CACNA1F: variants seen among roughly 807,000 people sequenced by gnomAD.
The protein encoded by CACNA1F is calcium voltage-gated channel subunit alpha1 F.
A neutral mutation model predicts 143.8 loss-of-function variants in CACNA1F; 59 were observed. That is an observed-to-expected ratio of 0.41 (90% confidence interval 0.33 to 0.51). CACNA1F has a LOEUF of 0.51. Among genes scored for constraint, CACNA1F ranks in the 20% least tolerant of loss-of-function variants. CACNA1F has a pLI of 0.22. For synonymous variants in CACNA1F, 643 were observed against 649.1 expected (o/e 0.99, Z 0.14); for missense variants, 1,411 against 1,647.5 (o/e 0.86, Z 2.48).
chrX:49,232,434 C>T (rs782116829), intron 1 of CACNA1F, among the ~76,000 whole-genome samples: 40 of 111,543 alleles, frequency 3.6e-4, no homozygotes, highest in African/African-American at 1.2e-3. Flanking sequence ...CCTCAGAGGG[C>T]GGTAGATTGG....
At position 49,215,498 on chromosome X, in the gene CACNA1F, G is replaced by A; in HGVS notation, c.3282C>T (p.Pro1094=). 1 of 1,207,012 alleles carries A rather than the reference G, an allele frequency of 8.3e-7. No individual in the cohort carries two copies. ...AIDAYAEDHG[P]IYNYRVEISV... is the part of the protein sequence containing the mutation. ...AGATCTCCACACGGTAATTATAGATGGGGCCGTGGTCCTCTGCATATGCAT... is the reference window on the plus strand; with the variant it reads ...AGATCTCCACACGGTAATTATAGATAGGGCCGTGGTCCTCTGCATATGCAT... Residue 1094 remains proline, a synonymous_variant, in exon 28 of 48, where the codon CCC becomes CCT. Transcript: ENST00000323022.
chrX:49,213,334 G>A (rs898545460), intron 31 of CACNA1F, among the ~76,000 whole-genome samples: 11 of 111,705 alleles, frequency 9.8e-5, no homozygotes, highest in East Asian at 2.8e-4. Flanking sequence ...AACCAGCAGC[G>A]TTGTCAGTTG....
intron 36 of CACNA1F, 101 bp from the exon 37 acceptor site, chrX:49,211,193 G>A: frequency 9.1e-7 from 1 of 1,103,984 alleles, no homozygotes; most frequent in Non-Finnish European, 1.2e-6. Flanking sequence ...ATGAGTCTCT[G>A]GGTTGATCTT....
In CACNA1F at chrX:49,230,382, G is replaced by A; in HGVS notation, c.665-10C>T. The A allele has an allele frequency of 8.3e-7, 1 of 1,209,795 alleles. No individual in the cohort carries two copies. The highest frequency in any genetic ancestry group is 1.1e-6 in the Non-Finnish European group (1 of 894,258). On this transcript the variant is annotated splice_polypyrimidine_tract_variant and intron_variant, in intron 5 of 47. Transcript: ENST00000323022. Reference sequence around the variant, plus strand: ...AGCACTATGTGCAGGCCTGCGGGGAGGGAGGGGGAGGCAGAAATAAGGGCG... The same window carrying A: ...AGCACTATGTGCAGGCCTGCGGGGAAGGAGGGGGAGGCAGAAATAAGGGCG...
Position 49,230,617 on chromosome X carries a change from G to C in CACNA1F, c.522-8C>G, listed in dbSNP as rs782528914. On this transcript the variant is annotated splice_region_variant and splice_polypyrimidine_tract_variant and intron_variant, in intron 4 of 47. Coordinates refer to ENST00000323022, the MANE Select transcript of CACNA1F (RefSeq NM_001256789.3). ...AGCAGAACGCTGAACAGCCTGATGG[G>C]GGAGCACCGGGCAGGGAGGCGGAGG... is the stretch of plus-strand genomic sequence containing the variant. 1 of 1,161,520 alleles carries C rather than the reference G, an allele frequency of 8.6e-7. No homozygotes were observed. Among genetic ancestry groups the C allele is most frequent in the African/African-American group, 1.8e-5 (1 of 56,725 alleles).
At chrX:49,231,091 G>A (rs1472392370) in intron 3 of CACNA1F, 102 bp from the exon 4 acceptor site, 23 of 817,772 alleles carry the variant, frequency 2.8e-5, no homozygotes, top group South Asian at 2.0e-4. Flanking sequence ...GGGTGGGGCT[G>A]AGCCAGGCAG....
intron 19 of CACNA1F, among the ~76,000 whole-genome samples, 181 bp downstream of exon 19, chrX:49,220,292 A>AT (rs1323486253): frequency 1.2e-4 from 13 of 111,565 alleles, no homozygotes; most frequent in African/African-American, 4.2e-4. Flanking sequence ...CCCAGGCTGC[A>AT]TTTCCCTTCT....
At chrX:49,229,909 C>A (rs1557110907) in intron 6 of CACNA1F, among the ~76,000 whole-genome samples, 1 of 112,380 alleles carries the variant, frequency 8.9e-6, no homozygotes, top group East Asian at 2.8e-4. Context: ...CTCGGCCTCC[C>A]AAAGTGCTGG....
chrX:49,219,393 C>G lies in CACNA1F; in HGVS notation c.2601G>C (p.Leu867=). ...ACACACTGCTGAGGATGATGAACACCAGGATAAGATTGGTGAAGACATGAT... is the reference window on the plus strand; with the variant it reads ...ACACACTGCTGAGGATGATGAACACGAGGATAAGATTGGTGAAGACATGAT... ...IHHHVFTNLI[L]VFIILSSVSL... The change falls in exon 21 of 48, where the codon CTG becomes CTC. Residue 867 remains leucine, a synonymous_variant. Transcript: ENST00000323022. The G allele has an allele frequency of 1.7e-6, 2 of 1,209,057 alleles. No homozygotes were observed. The highest frequency in any genetic ancestry group is 2.2e-6 in the Non-Finnish European group (2 of 894,103).
chrX:49,212,597 G>C (rs1292852264), intron 33 of CACNA1F, 70 bp downstream of exon 33: 2 of 1,066,187 alleles, frequency 1.9e-6, no homozygotes, highest in African/African-American at 3.7e-5. Flanking sequence ...TTCTGAGGGT[G>C]GTAAAGGGGC....
rs781890250 is a variant in CACNA1F at position 49,209,622 on chromosome X, C to A, written c.4821+7G>T. The A allele has an allele frequency of 8.3e-7, 1 of 1,211,281 alleles. No homozygotes were observed. Among genetic ancestry groups the A allele is most frequent in the East Asian group, 3.0e-5 (1 of 33,825 alleles). Reference sequence around the variant, plus strand: ...TGCCCATCCACACTAGGCCCTGCCCCGAAGACCTGAAGGGCGGAAGAGGTG... The same window carrying A: ...TGCCCATCCACACTAGGCCCTGCCCAGAAGACCTGAAGGGCGGAAGAGGTG... On this transcript the variant is annotated splice_region_variant and intron_variant, in intron 41 of 47. Coordinates refer to ENST00000323022, the MANE Select transcript of CACNA1F (RefSeq NM_001256789.3).
Position 49,224,009 on chromosome X carries a change from G to C in CACNA1F, c.1877+752C>G, listed in dbSNP as rs928838683. Among the ~76,000 whole-genome samples the C allele has an allele frequency of 3.1e-4, 35 of 111,487 alleles. 1 individual carries two copies. The highest frequency in any genetic ancestry group is 9.6e-4 in the Admixed American group (10 of 10,422). ...AGCCTCCCAAAGTGCTGGGATTACA[G>C]GCGTGAGCCACCGCATCCAGCCTAG... On this transcript the variant is annotated intron_variant, in intron 14 of 47. Transcript: ENST00000323022.
rs1322353673 is a variant in CACNA1F, at chrX:49,217,776, T to C, written c.3068A>G (p.Lys1023Arg). Residue 1023 changes from lysine (K) to arginine (R), a missense_variant, in exon 26 of 48, where the codon AAA (lysine) becomes AGA (arginine). Lys to Arg is a conservative substitution (Grantham distance 26, BLOSUM62 2). Around this residue, in one of 3 missense-constraint regions of CACNA1F, gnomAD observed 950 missense variants for 1,128.1 expected, o/e 0.84. Coordinates refer to ENST00000323022, the MANE Select transcript of CACNA1F (RefSeq NM_001256789.3). ...GKFYTCTDEA[K>R]HTPQECKGSF... ...TCACTTGCATTCTTGAGGGGTGTGT[T>C]TGGCCTCGTCCGTGCAGGTGTAGAA... The C allele has an allele frequency of 8.3e-7, 1 of 1,207,266 alleles. No homozygotes were observed. The highest frequency in any genetic ancestry group is 2.2e-5 in the Admixed American group (1 of 45,507).
chrX:49,211,249 C>T, intron 36 of CACNA1F, 73 bp downstream of exon 36: 5 of 1,148,569 alleles, frequency 4.4e-6, no homozygotes, highest in Non-Finnish European at 6.0e-6. Flanking sequence ...CTGGGCTGCC[C>T]ACGTCACATC....
At position 49,210,362 on chromosome X, in the gene CACNA1F, C is replaced by T. The variant is rs143949477; in HGVS notation, c.4527G>A (p.Thr1509=). Residue 1509 remains threonine (T), a synonymous_variant, in exon 39 of 48, where the codon ACG becomes ACA. Coordinates refer to ENST00000323022, the MANE Select transcript of CACNA1F (RefSeq NM_001256789.3). The stretch of plus-strand genomic sequence containing the variant: ...CAAAGAGTGTGGCGTTGAATGTCAC[C>T]GTCCCATCTGAGTTGAGGGGCATGT... ...AMNMPLNSDG[T]VTFNATLFAL... is the part of the protein sequence containing the mutation. The T allele has an allele frequency of 5.9e-5, 71 of 1,206,452 alleles. No individual in the cohort carries two copies. In the African/African-American group the frequency reaches 9.6e-4, roughly 16 times the overall value.
At chrX:49,212,357 A>G (rs782444082) in intron 33 of CACNA1F, 49 bp from the exon 34 acceptor site, 1 of 990,557 alleles carries the variant, frequency 1.0e-6, no homozygotes, top group Admixed American at 2.2e-5. Flanking sequence ...AGGCTCAGGC[A>G]AAGAACTATA....
At chrX:49,232,215 A>C (rs968019816) in intron 1 of CACNA1F, among the ~76,000 whole-genome samples, 30 of 111,048 alleles carry the variant, frequency 2.7e-4, no homozygotes, top group Non-Finnish European at 3.8e-5. Context: ...TTTAAGGTTA[A>C]ATTTGAGTGG....
intron 1 of CACNA1F, 79 bp from the exon 2 acceptor site, chrX:49,232,006 G>T: frequency 1.0e-6 from 1 of 1,004,698 alleles, no homozygotes; most frequent in Non-Finnish European, 1.3e-6. Flanking sequence ...CTGTCCCTCT[G>T]TTTGAAGGAA....
At chrX:49,229,687 C>G (rs1557110848) in intron 6 of CACNA1F, among the ~76,000 whole-genome samples, 1 of 110,100 alleles carries the variant, frequency 9.1e-6, no homozygotes, top group African/African-American at 3.4e-5. Context: ...TGGCGCATCT[C>G]GGCTCACTGC....
Sources: allele counts gnomAD v4.1 joint callset (sites outside exome capture counted in the v4.1 genomes callset), GRCh38; gene constraint gnomAD v4.1.1; regional missense constraint gnomAD v4.1.1; transcripts MANE v1.5; gene names NCBI Gene and HGNC (gene_info 2026-07-23, HGNC 2026-07-21).